The following GPATCH8 variants were observed in gnomAD, a reference collection of about 807,000 sequenced individuals.
GPATCH8 encodes the protein G-patch domain containing 8.
Under a neutral mutation model 118.3 loss-of-function variants are expected in GPATCH8, and 18 were observed. That is an observed-to-expected ratio of 0.15 (90% CI 0.11 to 0.23). The LOEUF is 0.23. GPATCH8 is among the 10% of genes least tolerant of loss of function. The pLI, the probability that GPATCH8 is intolerant of heterozygous loss-of-function variation, is 1.00. For missense variants in GPATCH8, 1,631 were observed against 1,873.8 expected (o/e 0.87, Z 2.39); for synonymous variants, 659 against 684.7 (o/e 0.96, Z 0.59).
intron 7 of GPATCH8, among the ~76,000 whole-genome samples, chr17:44,405,349 T>C (rs2049179776): frequency 6.6e-6 from 1 of 150,640 alleles, no homozygotes; most frequent in South Asian, 2.1e-4. Context: ...GCTGGGATTA[T>C]AGGCATGTGC....
In GPATCH8 at chr17:44,399,006, T is replaced by C; in HGVS notation, c.3071A>G (p.Asp1024Gly). ...SPEERHSGRR[D>G]FIRSKIYRSQ... ...GCGGTAGATCTTAGAACGAATGAAGTCCCGACGCCCAGAATGCCTCTCCTC... is the reference window on the plus strand; with the variant it reads ...GCGGTAGATCTTAGAACGAATGAAGCCCCGACGCCCAGAATGCCTCTCCTC... Residue 1024 changes from aspartate (D) to glycine (G), a missense_variant, in exon 8 of 8, where the codon GAC becomes GGC. Coordinates refer to ENST00000591680, the MANE Select transcript of GPATCH8 (RefSeq NM_001002909.4). 1 of 1,613,932 alleles carries C rather than the reference T, an allele frequency of 6.2e-7. No homozygotes were observed. The highest frequency in any genetic ancestry group is 8.5e-7 in the Non-Finnish European group (1 of 1,179,892).
chr17:44,435,878 C>T (rs951073276), intron 4 of GPATCH8, among the ~76,000 whole-genome samples: 8 of 149,792 alleles, frequency 5.3e-5, no homozygotes, highest in East Asian at 4.0e-4. Flanking sequence ...AAAAATTACC[C>T]GGGCATGGTG....
chr17:44,455,774 T>C (rs2051306406), intron 3 of GPATCH8, among the ~76,000 whole-genome samples: 1 of 152,098 alleles, frequency 6.6e-6, no homozygotes, highest in South Asian at 2.1e-4. Context: ...CTTGACAGAG[T>C]TTCGCTCTTG....
Position 44,481,947 on chromosome 17 carries a change from C to A in GPATCH8, c.46-7044G>T, listed in dbSNP as rs1030207661. 5.9e-5 allele frequency among the ~76,000 whole-genome samples: 9 copies of A among 151,978 alleles called. 1 individual carries two copies. Among genetic ancestry groups the A allele is most frequent in the Admixed American group, 5.9e-4 (9 of 15,242 alleles). On this transcript the variant is annotated intron_variant, in intron 1 of 7. Transcript: ENST00000591680. ...GACCTGACTGGCCAACATGGAGAAACCCCATCTCTGCTAAAAATAGAAAAA... is the reference window on the plus strand; with the variant it reads ...GACCTGACTGGCCAACATGGAGAAAACCCATCTCTGCTAAAAATAGAAAAA...
intron 5 of GPATCH8, among the ~76,000 whole-genome samples, chr17:44,428,108 C>G (rs1484554826): frequency 6.6e-6 from 1 of 151,824 alleles, no homozygotes; most frequent in Non-Finnish European, 1.5e-5. Flanking sequence ...ATAGCAAAAC[C>G]CCATCTTTAC....
At position 44,397,451 on chromosome 17, in the gene GPATCH8, T is replaced by C. The variant is rs1209253818; in HGVS notation, c.*117A>G. On this transcript the variant is annotated 3_prime_UTR_variant, in exon 8 of 8. Coordinates refer to ENST00000591680, the MANE Select transcript of GPATCH8 (RefSeq NM_001002909.4). ...CCCTGCAAGCCAAAACTCAATTCTT[T>C]GGCTGTCAGACACTGCCCATCCCAG... 2 of 765,338 alleles carry C rather than the reference T, an allele frequency of 2.6e-6. No homozygotes were observed. The highest frequency in any genetic ancestry group is 1.5e-5 in the South Asian group (1 of 68,874). 47.4% of individuals were successfully genotyped at this position (765,338 alleles called of 1,614,324 possible).
At chr17:44,405,685 T>C (rs1354397939) in intron 7 of GPATCH8, among the ~76,000 whole-genome samples, 4 of 151,006 alleles carry the variant, frequency 2.6e-5, no homozygotes, top group Non-Finnish European at 4.4e-5. Context: ...TTTGTATTTT[T>C]AGTAGAGATG....
intron 3 of GPATCH8, among the ~76,000 whole-genome samples, chr17:44,463,663 A>C (rs2051648015): frequency 6.6e-6 from 1 of 152,212 alleles, no homozygotes; most frequent in African/African-American, 2.4e-5. Context: ...TACAGGCGTG[A>C]GCCACCGCGC....
chr17:44,435,209 T>C (rs1424473480), intron 4 of GPATCH8, 58 bp from the exon 5 acceptor site: 3 of 842,674 alleles, frequency 3.6e-6, no homozygotes, highest in African/African-American at 1.7e-5. Flanking sequence ...AGATTAGCTA[T>C]GAAAAAGTTA....
intron 3 of GPATCH8, among the ~76,000 whole-genome samples, chr17:44,437,282 T>A (rs2050545095): frequency 6.6e-6 from 1 of 152,186 alleles, no homozygotes; most frequent in African/African-American, 2.4e-5. Context: ...GAAAATTGAC[T>A]TTAAACTAAT....
chr17:44,405,820 T>G, intron 7 of GPATCH8, 101 bp downstream of exon 7: 1 of 994,398 alleles, frequency 1.0e-6, no homozygotes, highest in Non-Finnish European at 1.5e-6. Flanking sequence ...TTTTAATTCT[T>G]AAATCTTAAT....
At chr17:44,458,057 C>T (rs900713575) in intron 3 of GPATCH8, among the ~76,000 whole-genome samples, 4 of 151,020 alleles carry the variant, frequency 2.6e-5, no homozygotes, top group Non-Finnish European at 5.9e-5. Context: ...TGCACTCCAG[C>T]CAGCCTGGGC....
chr17:44,480,018 T>C (rs1428741576), intron 1 of GPATCH8, among the ~76,000 whole-genome samples: 1 of 151,744 alleles, frequency 6.6e-6, no homozygotes, highest in Non-Finnish European at 1.5e-5. Context: ...TTACAAATCT[T>C]ATTCCTTTTC....
At chr17:44,426,777 C>T (rs932202957) in intron 5 of GPATCH8, among the ~76,000 whole-genome samples, 1 of 151,876 alleles carries the variant, frequency 6.6e-6, no homozygotes, top group South Asian at 2.1e-4. Context: ...CTCCTTTCAG[C>T]AGCTAGGCAA....
Position 44,395,343 on chromosome 17 carries a change from T to C in GPATCH8, c.*2225A>G, listed in dbSNP as rs763911152. ...CCTCATTTTACAGCATATATATCTCTATCATATGTGATAAAGTTAAATACA... is the reference window on the plus strand; with the variant it reads ...CCTCATTTTACAGCATATATATCTCCATCATATGTGATAAAGTTAAATACA... On this transcript the variant is annotated 3_prime_UTR_variant, in exon 8 of 8. Transcript: ENST00000591680. 2.3e-6 allele frequency: 1 copy of C among 438,416 alleles called. No individual in the cohort carries two copies. The highest frequency in any genetic ancestry group is 1.6e-5 in the South Asian group (1 of 61,086). 27.2% of individuals were successfully genotyped at this position (438,416 alleles called of 1,614,324 possible). A position where few individuals can be genotyped will look rare whatever the true frequency, so the allele number is the denominator to read the frequency against.
At chr17:44,430,434 A>G (rs2143975878) in intron 5 of GPATCH8, among the ~76,000 whole-genome samples, 1 of 152,320 alleles carries the variant, frequency 6.6e-6, no homozygotes, top group South Asian at 2.1e-4. Flanking sequence ...GAAAAAACCC[A>G]CAAGGTTATC....
chr17:44,478,721 C>T (rs1443322630), intron 1 of GPATCH8, among the ~76,000 whole-genome samples: 1 of 152,080 alleles, frequency 6.6e-6, no homozygotes, highest in Non-Finnish European at 1.5e-5. Flanking sequence ...TAACTATGTA[C>T]TACTTTTTTA....
chr17:44,398,364 G>A lies in GPATCH8; in HGVS notation c.3713C>T (p.Thr1238Ile), dbSNP rs1567922211. 1.2e-6 allele frequency: 2 copies of A among 1,614,102 alleles called. No homozygotes were observed. Among genetic ancestry groups the A allele is most frequent in the African/African-American group, 1.3e-5 (1 of 75,046 alleles). Residue 1238 changes from threonine (T) to isoleucine (I), a missense_variant, in exon 8 of 8, where the codon ACC (threonine) becomes ATC (isoleucine). By Grantham distance (89) the Thr-to-Ile change is moderately conservative (BLOSUM62 -1). Transcript: ENST00000591680. ...GTCGGGGAGGTAGTTATGGGAGATG[G>A]TTGGGTCCCCAGGGTAGCAGTCAGA... ...AHSDCYPGDP[T>I]ISHNYLPDPS...
At chr17:44,494,483 T>C (rs949280614) in intron 1 of GPATCH8, among the ~76,000 whole-genome samples, 4 of 152,056 alleles carry the variant, frequency 2.6e-5, no homozygotes, top group South Asian at 2.1e-4. Flanking sequence ...TCCCAGCTAC[T>C]TGGGAGGCTG....
Sources: allele counts gnomAD v4.1 joint callset (sites outside exome capture counted in the v4.1 genomes callset), GRCh38; gene constraint gnomAD v4.1.1; transcripts MANE v1.5; gene names NCBI Gene and HGNC (gene_info 2026-07-23, HGNC 2026-07-21).